Variants in NCAM1 observed in about 807,000 individuals in gnomAD.
NCAM1 encodes the protein antigen recognized by monoclonal antibody 5.1H11.
In NCAM1, 14 loss-of-function variants were observed where a neutral mutation model predicts 109.8. The observed-to-expected ratio is 0.13, with a 90% CI of 0.08 to 0.20. The LOEUF (loss-of-function observed/expected upper bound fraction) is 0.20. Among genes scored for constraint, NCAM1 ranks in the 10% least tolerant of loss-of-function variants. The probability of loss-of-function intolerance (pLI) is 1.00; values close to 1 mark genes in which losing one functional copy is unlikely to be tolerated. For missense variants in NCAM1, 774 were observed against 1,109.9 expected, an observed-to-expected ratio of 0.70 and a Z score of 4.30; for synonymous variants, 418 against 442.9, an observed-to-expected ratio of 0.94 and a Z score of 0.70.
Position 112,963,550 on chromosome 11 carries a change from C to A in NCAM1, c.52+1886C>A, listed in dbSNP as rs1950633944. ...AGGAGGGGTGGGGACCAAGCCTAGTCCGCCTGGCCCTGGGTCTCCGCTGCC... is the reference window on the plus strand; with the variant it reads ...AGGAGGGGTGGGGACCAAGCCTAGTACGCCTGGCCCTGGGTCTCCGCTGCC... On this transcript the variant is annotated intron_variant, in intron 1 of 19. Coordinates refer to ENST00000316851, the MANE Select transcript of NCAM1 (RefSeq NM_181351.5). The surrounding 1 kb of genome is among the most constrained non-coding windows in gnomAD (Gnocchi z 4.6). 1 of 152,312 alleles carries A rather than the reference C, an allele frequency of 6.6e-6. No individual in the cohort carries two copies. Among genetic ancestry groups the A allele is most frequent in the Non-Finnish European group, 1.5e-5 (1 of 68,150 alleles). The allele number at this position is 152,312 out of a possible 1,614,324, so 9.4% of individuals were successfully genotyped here. A position where few individuals can be genotyped will look rare whatever the true frequency, so the allele number is the denominator to read the frequency against.
intron 1 of NCAM1, among the ~76,000 whole-genome samples, chr11:113,106,339 A>G (rs1940159536): frequency 6.6e-6 from 1 of 152,222 alleles, no homozygotes; most frequent in Non-Finnish European, 1.5e-5. Flanking sequence ...TTATGGTTCA[A>G]AATATAGCCA....
intron 1 of NCAM1, among the ~76,000 whole-genome samples, chr11:113,100,853 G>T (rs139168823): frequency 6.6e-6 from 1 of 152,164 alleles, no homozygotes; most frequent in South Asian, 2.1e-4. Context: ...GGGCTTTTGC[G>T]AAGGAACTGC....
intron 7 of NCAM1, 62 bp from the exon 8 acceptor site, chr11:113,214,307 A>G: frequency 5.1e-6 from 8 of 1,565,392 alleles, no homozygotes; most frequent in East Asian, 2.3e-5. Context: ...GGTGCATGCC[A>G]TCATTTAAAC....
At chr11:113,221,960 AT>A (rs1944705030) in intron 9 of NCAM1, 2 of 152,234 alleles carry the variant, frequency 1.3e-5, no homozygotes, top group Admixed American at 6.5e-5. Context: ...AACCTTTGAA[AT>A]TTCTCTGACT....
At chr11:113,000,903 G>A (rs1452533589) in intron 1 of NCAM1, among the ~76,000 whole-genome samples, 2 of 147,716 alleles carry the variant, frequency 1.4e-5, no homozygotes, top group African/African-American at 5.1e-5. Flanking sequence ...ACGTGTATAT[G>A]TATATGTGTA....
intron 1 of NCAM1, among the ~76,000 whole-genome samples, chr11:113,069,184 C>T (rs1938138906): frequency 6.6e-6 from 1 of 151,966 alleles, no homozygotes; most frequent in South Asian, 2.1e-4. Flanking sequence ...GGGAAGTGTC[C>T]CAAGGAAGGA....
rs1360926121 is a variant in NCAM1, at chr11:113,113,644, A to G, written c.53-88735A>G. ...CTGATAGGGTGGAACCACTAGACAAATGGAGAGTGTCTTTTGTTGTCGTTG... is the reference window on the plus strand; with the variant it reads ...CTGATAGGGTGGAACCACTAGACAAGTGGAGAGTGTCTTTTGTTGTCGTTG... On this transcript the variant is annotated intron_variant, in intron 1 of 19. Coordinates refer to ENST00000316851, the MANE Select transcript of NCAM1 (RefSeq NM_181351.5). 2.6e-5 allele frequency among the ~76,000 whole-genome samples: 4 copies of G among 152,156 alleles called. No homozygotes were observed. In the East Asian group the frequency reaches 7.7e-4, roughly 29 times the overall value.
chr11:113,107,690 A>G (rs971470098), intron 1 of NCAM1, among the ~76,000 whole-genome samples: 12 of 152,138 alleles, frequency 7.9e-5, no homozygotes, highest in Admixed American at 2.6e-4. Context: ...TATGGAGGAA[A>G]CGGCCCCCAC....
chr11:113,084,731 T>C (rs1938999383), intron 1 of NCAM1, among the ~76,000 whole-genome samples: 1 of 152,188 alleles, frequency 6.6e-6, no homozygotes, highest in African/African-American at 2.4e-5. Context: ...AGCTTAGCAT[T>C]GTGGCTGAGA....
intron 1 of NCAM1, among the ~76,000 whole-genome samples, chr11:113,034,780 G>A (rs1463078053): frequency 1.3e-5 from 2 of 152,314 alleles, no homozygotes; most frequent in African/African-American, 4.8e-5. Flanking sequence ...TCATTATGGG[G>A]AGGCGTCAGT....
intron 1 of NCAM1, among the ~76,000 whole-genome samples, chr11:113,062,301 A>G (rs1315399076): frequency 2.6e-5 from 4 of 152,074 alleles, no homozygotes; most frequent in African/African-American, 7.2e-5. Context: ...TTCTGTCTCC[A>G]TGGATTTGCC....
intron 16 of NCAM1, among the ~76,000 whole-genome samples, chr11:113,257,140 C>T (rs1945854200): frequency 6.6e-6 from 1 of 152,192 alleles, no homozygotes; most frequent in African/African-American, 2.4e-5. Flanking sequence ...GTCCAGAGAT[C>T]CCAGTGAATG....
chr11:113,188,101 C>A (rs1555109194), intron 1 of NCAM1, among the ~76,000 whole-genome samples: 1 of 152,106 alleles, frequency 6.6e-6, no homozygotes, highest in African/African-American at 2.4e-5. Context: ...GTTTGCCAGT[C>A]CTGTAACATA....
intron 17 of NCAM1, among the ~76,000 whole-genome samples, chr11:113,261,107 G>A (rs1157718657): frequency 6.6e-6 from 1 of 152,194 alleles, no homozygotes; most frequent in Non-Finnish European, 1.5e-5. Flanking sequence ...GGAGAGGTGG[G>A]CATAGAACAT....
chr11:112,975,052 G>C (rs1320321360), intron 1 of NCAM1, among the ~76,000 whole-genome samples: 1 of 151,978 alleles, frequency 6.6e-6, no homozygotes, highest in Non-Finnish European at 1.5e-5. Flanking sequence ...AAGGAAAAGG[G>C]ACATGCTCTA....
intron 1 of NCAM1, among the ~76,000 whole-genome samples, chr11:113,068,342 T>G (rs1938078832): frequency 6.6e-6 from 1 of 152,170 alleles, no homozygotes; most frequent in Non-Finnish European, 1.5e-5. Context: ...TGATTAAGCA[T>G]CGGTTTCCTC....
At chr11:113,172,111 C>T (rs1943013599) in intron 1 of NCAM1, among the ~76,000 whole-genome samples, 1 of 152,162 alleles carries the variant, frequency 6.6e-6, no homozygotes, top group African/African-American at 2.4e-5. Flanking sequence ...ACCTTCAGAG[C>T]TCTGAGACAA....
intron 1 of NCAM1, among the ~76,000 whole-genome samples, chr11:113,185,082 A>ATATATATATATATATAT (rs1555108658): frequency 1.6e-5 from 2 of 128,670 alleles, no homozygotes; most frequent in African/African-American, 5.7e-5. Context: ...ATATATATAG[A>ATATATATATATATATAT]GAGAGAGAGA....
intron 18 of NCAM1, among the ~76,000 whole-genome samples, chr11:113,271,272 A>T (rs746121331): frequency 7.0e-6 from 1 of 143,614 alleles, no homozygotes; most frequent in Non-Finnish European, 1.5e-5. Context: ...CAGGAGGCTG[A>T]GGCTGGAGAA....
Sources: allele counts gnomAD v4.1 joint callset (sites outside exome capture counted in the v4.1 genomes callset), GRCh38; gene constraint gnomAD v4.1.1; non-coding constraint Gnocchi (gnomAD v3.1); transcripts MANE v1.5; gene names NCBI Gene and HGNC (gene_info 2026-07-23, HGNC 2026-07-21).